The following HECW1 variants were observed in gnomAD, a reference collection of about 807,000 sequenced individuals.
HECW1 encodes the protein HECT, C2 and WW domain containing E3 ubiquitin protein ligase 1.
HECW1 carries 61 observed loss-of-function variants against 182.3 expected under a neutral mutation model. The observed-to-expected ratio is 0.33, with a 90% CI of 0.27 to 0.41. The LOEUF (loss-of-function observed/expected upper bound fraction) is 0.41. Ranked by LOEUF, HECW1 falls within the 10% of genes least tolerant of loss-of-function variation. HECW1 has a pLI of 1.00. For synonymous variants in HECW1, 859 were observed against 832.6 expected (o/e 1.03, Z -0.55); for missense variants, 1,739 against 2,108.9 (o/e 0.82, Z 3.44).
intron 19 of HECW1, among the ~76,000 whole-genome samples, chr7:43,500,137 G>C (rs559874077): frequency 5.6e-4 from 81 of 145,424 alleles, no homozygotes; most frequent in African/African-American, 2.0e-3. Flanking sequence ...GTCTTCCTCT[G>C]TCGCCCAGGC....
At chr7:43,164,062 G>C (rs967257962) in intron 2 of HECW1, among the ~76,000 whole-genome samples, 2 of 152,148 alleles carry the variant, frequency 1.3e-5, no homozygotes, top group African/African-American at 4.8e-5. Context: ...CGAAGAGAGC[G>C]GTTGGAGGCC....
chr7:43,351,023 G>A (rs536518544), intron 5 of HECW1, among the ~76,000 whole-genome samples: 2 of 152,326 alleles, frequency 1.3e-5, no homozygotes, highest in Middle Eastern at 3.4e-3. Context: ...GTCTAGGGCT[G>A]AAGGCTGTTG....
intron 3 of HECW1, among the ~76,000 whole-genome samples, chr7:43,285,775 C>T (rs948611546): frequency 1.3e-5 from 2 of 151,954 alleles, no homozygotes; most frequent in African/African-American, 2.4e-5. Flanking sequence ...GCCTGAGTGA[C>T]AGACCCCATC....
intron 2 of HECW1, among the ~76,000 whole-genome samples, chr7:43,191,049 C>G (rs1793873688): frequency 6.6e-6 from 1 of 152,120 alleles, no homozygotes; most frequent in African/African-American, 2.4e-5. Flanking sequence ...GCTCACAGAC[C>G]AAATTAAGAT....
rs865815434 is a variant in HECW1, at chr7:43,283,011, G to C, written c.28-28752G>C. ...CAAGCAGCTGTAATCCCAGCTACTCGGGAGGCTGAGGCAGGAGAATTGCTT... is the reference window on the plus strand; with the variant it reads ...CAAGCAGCTGTAATCCCAGCTACTCCGGAGGCTGAGGCAGGAGAATTGCTT... On this transcript the variant is annotated intron_variant, in intron 3 of 29. Transcript: ENST00000395891. Among the ~76,000 whole-genome samples, 6 of 152,140 alleles carry C rather than the reference G, an allele frequency of 3.9e-5. No individual in the cohort carries two copies. In the South Asian group the frequency reaches 8.3e-4, roughly 21 times the overall value.
At position 43,149,766 on chromosome 7, in the gene HECW1, T is replaced by C. The variant is rs528240332; in HGVS notation, c.-32+35375T>C. On this transcript the variant is annotated intron_variant, in intron 2 of 29. Coordinates refer to ENST00000395891, the MANE Select transcript of HECW1 (RefSeq NM_015052.5). ...ACAGATATATTCTTCAAAATTTTTT[T>C]CAGACATATTTTATACATTAACACA... Among the ~76,000 whole-genome samples the C allele has an allele frequency of 6.6e-5, 10 of 152,342 alleles. No individual in the cohort carries two copies. In the South Asian group the frequency reaches 1.7e-3, roughly 25 times the overall value.
chr7:43,355,253 G>C (rs768602675), intron 5 of HECW1, among the ~76,000 whole-genome samples: 3 of 152,166 alleles, frequency 2.0e-5, no homozygotes, highest in Non-Finnish European at 4.4e-5. Flanking sequence ...AAATCCACTA[G>C]TAAAATTAAG....
At chr7:43,450,172 AC>A (rs1161710137) in intron 11 of HECW1, among the ~76,000 whole-genome samples, 1 of 151,514 alleles carries the variant, frequency 6.6e-6, no homozygotes, top group African/African-American at 2.4e-5. Context: ...TTTCCGGAGC[AC>A]CCTGGCTTGT....
intron 8 of HECW1, 79 bp downstream of exon 8, chr7:43,407,810 C>T: frequency 7.7e-7 from 1 of 1,290,852 alleles, no homozygotes. Flanking sequence ...TCCTTCCCTC[C>T]ATTCATGGAG....
chr7:43,402,373 C>T (rs1426747126), intron 7 of HECW1, among the ~76,000 whole-genome samples: 2 of 152,190 alleles, frequency 1.3e-5, no homozygotes, highest in Admixed American at 6.5e-5. Flanking sequence ...TCTGCATGCT[C>T]CCTCTCCCAT....
At chr7:43,362,919 G>A (rs1816149102) in intron 6 of HECW1, among the ~76,000 whole-genome samples, 2 of 152,366 alleles carry the variant, frequency 1.3e-5, no homozygotes, top group Middle Eastern at 6.8e-3. Context: ...TTGGCTCAAG[G>A]CTCGTAGGGG....
chr7:43,117,543 G>C (rs760303201), intron 2 of HECW1, among the ~76,000 whole-genome samples: 1 of 150,950 alleles, frequency 6.6e-6, no homozygotes, highest in African/African-American at 2.4e-5. Flanking sequence ...GACACAATGA[G>C]ATATAGAAGC....
intron 2 of HECW1, among the ~76,000 whole-genome samples, chr7:43,125,722 C>T (rs985045172): frequency 2.1e-5 from 3 of 142,452 alleles, no homozygotes; most frequent in East Asian, 2.1e-4. Flanking sequence ...CGTGCCACTG[C>T]ACTCCAGCCT....
At chr7:43,126,294 T>A (rs886481050) in intron 2 of HECW1, among the ~76,000 whole-genome samples, 7 of 152,140 alleles carry the variant, frequency 4.6e-5, no homozygotes, top group African/African-American at 1.7e-4. Context: ...TTTACTTGAT[T>A]TTTGCTACAA....
chr7:43,283,123 C>CAAAA (rs555000439), intron 3 of HECW1, among the ~76,000 whole-genome samples: 1 of 137,896 alleles, frequency 7.3e-6, no homozygotes. Flanking sequence ...AGACTATCTC[C>CAAAA]AAAAAAAAAA....
intron 5 of HECW1, among the ~76,000 whole-genome samples, chr7:43,342,799 G>A (rs1013585416): frequency 6.6e-6 from 1 of 151,754 alleles, no homozygotes; most frequent in South Asian, 2.1e-4. Flanking sequence ...GCGCAGGCAG[G>A]CAGATCATGA....
intron 4 of HECW1, among the ~76,000 whole-genome samples, chr7:43,319,434 G>GTGA (rs1295807861): frequency 6.7e-6 from 1 of 148,358 alleles, no homozygotes; most frequent in Non-Finnish European, 1.5e-5. Context: ...AGGTTGCAAA[G>GTGA]TGATGAGCAG....
intron 3 of HECW1, chr7:43,258,510 A>C (rs961599816): frequency 6.6e-6 from 1 of 152,134 alleles, no homozygotes; most frequent in African/African-American, 2.4e-5. Context: ...CAGATTATGG[A>C]ACTAATTATA....
At chr7:43,455,566 C>A (rs1404949077) in intron 12 of HECW1, among the ~76,000 whole-genome samples, 1 of 152,236 alleles carries the variant, frequency 6.6e-6, no homozygotes, top group Non-Finnish European at 1.5e-5. Context: ...CTGGAGGATA[C>A]CCCAATCTTC....
Sources: gnomAD v4.1 joint callset for allele counts (sites outside exome capture counted in the v4.1 genomes callset) on GRCh38, gnomAD v4.1.1 for gene constraint, MANE v1.5 for transcripts, NCBI Gene and HGNC (gene_info 2026-07-23, HGNC 2026-07-21) for gene names.